The following PLEKHH3 variants were observed in gnomAD, a reference collection of about 807,000 sequenced individuals.
PLEKHH3 encodes the protein pleckstrin homology, MyTH4 and FERM domain containing H3.
A neutral mutation model predicts 77.8 loss-of-function variants in PLEKHH3; 57 were observed. That is an observed-to-expected ratio of 0.73 (90% CI 0.59 to 0.91). PLEKHH3 has a LOEUF of 0.91. Ranked by LOEUF, PLEKHH3 falls within the 40% of genes least tolerant of loss-of-function variation. The probability of loss-of-function intolerance (pLI) is 0.00; values close to 1 mark genes in which losing one functional copy is unlikely to be tolerated. For missense variants in PLEKHH3, 1,082 were observed against 1,091.2 expected, an observed-to-expected ratio of 0.99 and a Z score of 0.12; for synonymous variants, 467 against 504.8, an observed-to-expected ratio of 0.93 and a Z score of 1.00.
In PLEKHH3 at chr17:42,676,460, T is replaced by TCGTCCCCGTCCC. The variant is rs575311542; in HGVS notation, c.92_103dup (p.Gly31_Asp34dup). 1.2e-6 allele frequency: 2 copies of TCGTCCCCGTCCC among 1,613,142 alleles called. No homozygotes were observed. The highest frequency in any genetic ancestry group is 3.3e-5 in the Admixed American group (2 of 59,966). ...CTCAAAGGTTTCCTCGTCCTCGTCC[T>TCGTCCCCGTCCC]CGTCCCCGTCCCCGCTAAGCTCGCC... On this transcript the variant is annotated inframe_insertion, in exon 1 of 13. Transcript: ENST00000591022. This position sits in a 1 kb window ranked among gnomAD's most constrained non-coding sequence, Gnocchi z 6.6.
At chr17:42,669,880 T>C (rs1179502573) in intron 11 of PLEKHH3, 38 bp downstream of exon 11, 1 of 1,608,324 alleles carries the variant, frequency 6.2e-7, no homozygotes, top group African/African-American at 1.3e-5. Context: ...GTGTGGGGCT[T>C]GGGCCGCCAG....
At chr17:42,674,691 CAG>C (rs1312417361) in intron 1 of PLEKHH3, 2 of 362,068 alleles carry the variant, frequency 5.5e-6, no homozygotes, top group Non-Finnish European at 4.9e-6. Flanking sequence ...GAGCACTGGG[CAG>C]AGAGTCAGGA....
chr17:42,673,067 C>T, intron 6 of PLEKHH3, 109 bp downstream of exon 6: 1 of 1,361,090 alleles, frequency 7.3e-7, no homozygotes, highest in Non-Finnish European at 9.6e-7. Flanking sequence ...AAGTGAGGAG[C>T]TGGCAGGTCC....
In PLEKHH3 at chr17:42,671,989, G is replaced by T. The variant is rs2052712090; in HGVS notation, c.1076+97C>A. On this transcript the variant is annotated intron_variant, in intron 7 of 12. Coordinates refer to ENST00000591022, the MANE Select transcript of PLEKHH3 (RefSeq NM_024927.5). The surrounding 1 kb of genome is among the most constrained non-coding windows in gnomAD (Gnocchi z 4.7). ...ACAAAGGCACTGTATGTATTACTCGGTTCTTTACCTACCAAGTCTTTTGCA... is the reference window on the plus strand; with the variant it reads ...ACAAAGGCACTGTATGTATTACTCGTTTCTTTACCTACCAAGTCTTTTGCA... 6.7e-6 allele frequency: 7 copies of T among 1,046,372 alleles called. No homozygotes were observed. In the South Asian group the frequency reaches 1.0e-4, roughly 15 times the overall value. The allele number at this position is 1,046,372 out of a possible 1,614,324, so 64.8% of individuals were successfully genotyped here.
At position 42,669,587 on chromosome 17, in the gene PLEKHH3, A is replaced by C; in HGVS notation, c.2048T>G (p.Leu683Arg). The change falls in exon 12 of 13, where the codon CTG becomes CGG. Residue 683 changes from leucine (L) to arginine (R), a missense_variant. Physicochemically the swap from Leu to Arg is moderately radical, Grantham distance 102. Coordinates refer to ENST00000591022, the MANE Select transcript of PLEKHH3 (RefSeq NM_024927.5). ...GGACATGGCCTTGGCTCCCAAGCCCAGGCACAGCTTCTGTGGAGCACCCCG... is the reference window on the plus strand; with the variant it reads ...GGACATGGCCTTGGCTCCCAAGCCCCGGCACAGCTTCTGTGGAGCACCCCG... ...PGRGAPQKLCLGLGAKAMSLS... is the reference protein window; with the variant it reads ...PGRGAPQKLCRGLGAKAMSLS... The C allele has an allele frequency of 1.9e-6, 3 of 1,610,264 alleles. No individual in the cohort carries two copies. Among genetic ancestry groups the C allele is most frequent in the Non-Finnish European group, 2.5e-6 (3 of 1,177,564 alleles).
chr17:42,670,304 G>A lies in PLEKHH3; in HGVS notation c.1627C>T (p.Leu543=). ...DTLRALAALR[L]QSLQRDFSPR... Reference sequence around the variant, plus strand: ...GAGAAGTCCCGCTGCAGGCTCTGCAGGCGCAGCGCCGCCAGGGCGCGCAGC... The same window carrying A: ...GAGAAGTCCCGCTGCAGGCTCTGCAAGCGCAGCGCCGCCAGGGCGCGCAGC... The change falls in exon 11 of 13, where the codon CTG becomes TTG. Residue 543 remains leucine, a synonymous_variant. Transcript: ENST00000591022. 7.3e-7 allele frequency: 1 copy of A among 1,376,840 alleles called. No individual in the cohort carries two copies. The highest frequency in any genetic ancestry group is 1.5e-5 in the African/African-American group (1 of 65,640). 85.3% of individuals were successfully genotyped at this position (1,376,840 alleles called of 1,614,324 possible).
chr17:42,668,110 G>A lies in PLEKHH3; in HGVS notation c.*17C>T, dbSNP rs771921659. Reference sequence around the variant, plus strand: ...CCAGGCTGCAGGCAGGAGGGAAGTCGTGACCTCTTGGCAGGCTCAGTCCTG... The same window carrying A: ...CCAGGCTGCAGGCAGGAGGGAAGTCATGACCTCTTGGCAGGCTCAGTCCTG... On this transcript the variant is annotated 3_prime_UTR_variant, in exon 13 of 13. Coordinates refer to ENST00000591022, the MANE Select transcript of PLEKHH3 (RefSeq NM_024927.5). 4.4e-5 allele frequency: 62 copies of A among 1,403,066 alleles called. No individual in the cohort carries two copies. The highest frequency in any genetic ancestry group is 1.6e-4 in the African/African-American group (11 of 67,164). 86.9% of individuals were successfully genotyped at this position (1,403,066 alleles called of 1,614,324 possible).
rs1273962615 is a variant in PLEKHH3, at chr17:42,673,786, G to T, written c.347C>A (p.Pro116His). ...PRGGGARPWL[P>H]PRRAWFVLTR... ...GAGCACAAACCAGGCTCGGCGCGGGGGCAGCCAGGGCCGCGCCCCTCCTCC... is the reference window on the plus strand; with the variant it reads ...GAGCACAAACCAGGCTCGGCGCGGGTGCAGCCAGGGCCGCGCCCCTCCTCC... Residue 116 changes from proline to histidine, a missense_variant, in exon 4 of 13, where the codon CCC becomes CAC. Physicochemically the swap from Pro to His is moderately conservative, Grantham distance 77. Around this residue, in one of 3 missense-constraint regions of PLEKHH3, gnomAD observed 344 missense variants for 320.8 expected, o/e 1.07. Transcript: ENST00000591022. 12 of 1,590,404 alleles carry T rather than the reference G, an allele frequency of 7.5e-6. No individual in the cohort carries two copies. The highest frequency in any genetic ancestry group is 9.4e-6 in the Non-Finnish European group (11 of 1,174,718).
chr17:42,673,873 A>G (rs1333289843), intron 3 of PLEKHH3, 39 bp from the exon 4 acceptor site: 3 of 1,609,004 alleles, frequency 1.9e-6, no homozygotes, highest in East Asian at 2.2e-5. Context: ...ATCAGTAGAG[A>G]CATTAATCCC....
rs2052649862 is a variant in PLEKHH3, at chr17:42,670,014, G to A, written c.1917C>T (p.Gly639=). The A allele has an allele frequency of 6.3e-7, 1 of 1,589,432 alleles. No homozygotes were observed. The highest frequency in any genetic ancestry group is 1.7e-4 in the Middle Eastern group (1 of 6,010). Residue 639 remains glycine (G), a synonymous_variant, in exon 11 of 13, where the codon GGC becomes GGT. Coordinates refer to ENST00000591022, the MANE Select transcript of PLEKHH3 (RefSeq NM_024927.5). ...CGGCCATGGCCTCAGCTCGGCCCATGCCCCGTAGCCGCTTCCAGCCGCCCA... is the reference window on the plus strand; with the variant it reads ...CGGCCATGGCCTCAGCTCGGCCCATACCCCGTAGCCGCTTCCAGCCGCCCA... The part of the protein sequence containing the change: ...AVLGGWKRLR[G]MGRAEAMAAY...
chr17:42,670,655 C>T lies in PLEKHH3; in HGVS notation c.1472G>A (p.Arg491Lys), dbSNP rs2052675218. 2 of 1,613,138 alleles carry T rather than the reference C, an allele frequency of 1.2e-6. No homozygotes were observed. The highest frequency in any genetic ancestry group is 1.1e-5 in the South Asian group (1 of 91,094). Reference sequence around the variant, plus strand: ...AGGTCCGTGAAGACGCAGACATAGTCTCCACCCGGAGTCGGGCGAGTCCTC... The same window carrying T: ...AGGTCCGTGAAGACGCAGACATAGTTTCCACCCGGAGTCGGGCGAGTCCTC... ...GLEDSPDSGW[R>K]LCLRLHGPLH... The change falls in exon 10 of 13, where the codon AGA (arginine) becomes AAA (lysine). Residue 491 changes from arginine (R) to lysine (K), a missense_variant. Coordinates refer to ENST00000591022, the MANE Select transcript of PLEKHH3 (RefSeq NM_024927.5).
In PLEKHH3 at chr17:42,670,523, G is replaced by A. The variant is rs753321192; in HGVS notation, c.1554+50C>T. On this transcript the variant is annotated intron_variant, in intron 10 of 12. Transcript: ENST00000591022. ...AAATGAGACGGCCTAGAAAACCAGG[G>A]GTTCAGGCTTGGGGGTCTGTTTGGA... The A allele has an allele frequency of 1.5e-5, 23 of 1,567,138 alleles. No homozygotes were observed. The East Asian group carries it at 5.0e-4, about 34-fold the overall frequency.
Position 42,676,254 on chromosome 17 carries a change from C to A in PLEKHH3, c.162+148G>T. The A allele has an allele frequency of 7.0e-7, 1 of 1,430,104 alleles. No homozygotes were observed. The highest frequency in any genetic ancestry group is 1.4e-5 in the South Asian group (1 of 69,844). 88.6% of individuals were successfully genotyped at this position (1,430,104 alleles called of 1,614,324 possible). On this transcript the variant is annotated intron_variant, in intron 1 of 12. Coordinates refer to ENST00000591022, the MANE Select transcript of PLEKHH3 (RefSeq NM_024927.5). This position sits in a 1 kb window ranked among gnomAD's most constrained non-coding sequence, Gnocchi z 6.6. ...AGTAGGGCTGCTGCTCCGAGAGCTC[C>A]CGGGGGCTTTGGCCCCCAGGCAAAA...
chr17:42,670,725 G>A lies in PLEKHH3; in HGVS notation c.1422-20C>T, dbSNP rs755272028. On this transcript the variant is annotated intron_variant, in intron 9 of 12. Coordinates refer to ENST00000591022, the MANE Select transcript of PLEKHH3 (RefSeq NM_024927.5). ...GCCAAGCTGCAGAAGAGGAGCGGAC[G>A]AAGCGCTAGGGAGAAGCCGGACCCC... is the stretch of plus-strand genomic sequence containing the variant. The A allele has an allele frequency of 5.6e-6, 9 of 1,607,046 alleles. No individual in the cohort carries two copies. Among genetic ancestry groups the A allele is most frequent in the Non-Finnish European group, 7.7e-6 (9 of 1,175,478 alleles).
At position 42,676,394 on chromosome 17, in the gene PLEKHH3, G is replaced by A. The variant is rs754783226; in HGVS notation, c.162+8C>T. 6.2e-7 allele frequency: 1 copy of A among 1,612,880 alleles called. No individual in the cohort carries two copies. Among genetic ancestry groups the A allele is most frequent in the South Asian group, 1.1e-5 (1 of 91,078 alleles). ...ATTGAGACGAGGCTCCGAACCCCCG[G>A]GACTTACCCTCCCGCCGCCCGCTGG... On this transcript the variant is annotated splice_region_variant and intron_variant, in intron 1 of 12. Transcript: ENST00000591022. This position sits in a 1 kb window ranked among gnomAD's most constrained non-coding sequence, Gnocchi z 6.6.
rs112409682 is a variant in PLEKHH3 at position 42,667,931 on chromosome 17, C to CT, written c.*195dup. 12,443 of 367,432 alleles carry CT rather than the reference C, an allele frequency of 0.034. 194 individuals carry two copies. The highest frequency in any genetic ancestry group is 0.098 in the African/African-American group (4,524 of 46,032). The allele number at this position is 367,432 out of a possible 1,614,324, so 22.8% of individuals were successfully genotyped here. A position where few individuals can be genotyped will look rare whatever the true frequency, so the allele number is the denominator to read the frequency against. Reference sequence around the variant, plus strand: ...AGGAAGGGTTTGTGTAAATAAGAAACTTTTTTTTTTTTTTTGCTTCTCTTC... The same window carrying CT: ...AGGAAGGGTTTGTGTAAATAAGAAACTTTTTTTTTTTTTTTTGCTTCTCTTC... On this transcript the variant is annotated 3_prime_UTR_variant, in exon 13 of 13. Coordinates refer to ENST00000591022, the MANE Select transcript of PLEKHH3 (RefSeq NM_024927.5).
chr17:42,675,838 GA>G, intron 1 of PLEKHH3: 1 of 983,652 alleles, frequency 1.0e-6, no homozygotes, highest in Non-Finnish European at 1.2e-6. Flanking sequence ...CCTCACCCGG[GA>G]AAGCCGAGAG....
At position 42,672,407 on chromosome 17, in the gene PLEKHH3, G is replaced by A; in HGVS notation, c.770-15C>T. The A allele has an allele frequency of 6.7e-7, 1 of 1,493,016 alleles. No individual in the cohort carries two copies. The highest frequency in any genetic ancestry group is 8.9e-7 in the Non-Finnish European group (1 of 1,122,990). 92.5% of individuals were successfully genotyped at this position (1,493,016 alleles called of 1,614,324 possible). A position where few individuals can be genotyped will look rare whatever the true frequency, so the allele number is the denominator to read the frequency against. On this transcript the variant is annotated splice_polypyrimidine_tract_variant and intron_variant, in intron 6 of 12. Coordinates refer to ENST00000591022, the MANE Select transcript of PLEKHH3 (RefSeq NM_024927.5). ...ATAGCCCGGACCTGTGGGAGGGTGG[G>A]GGCGGAGGGACGGTTTGGAGAGGGG...
At chr17:42,674,541 T>C in intron 1 of PLEKHH3, 132 bp from the exon 2 acceptor site, 2 of 675,672 alleles carry the variant, frequency 3.0e-6, no homozygotes, top group Non-Finnish European at 4.5e-6. Context: ...GTGACTAGGG[T>C]GGAGCACGCT....
Sources: gnomAD v4.1 joint callset for allele counts on GRCh38, gnomAD v4.1.1 for gene constraint, gnomAD v4.1.1 regional missense constraint, Gnocchi (gnomAD v3.1) non-coding constraint, MANE v1.5 for transcripts, NCBI Gene and HGNC (gene_info 2026-07-23, HGNC 2026-07-21) for gene names.